Variants in HABP4 observed in about 807,000 individuals in gnomAD.
HABP4 encodes intracellular hyaluronan-binding protein 4.
HABP4 carries 32 observed loss-of-function variants against 44.1 expected under a neutral mutation model. The ratio of observed to expected loss-of-function variants is 0.73; its 90% CI spans 0.55 to 0.97. The LOEUF is 0.97. Ranked by LOEUF, HABP4 falls within the 50% of genes least tolerant of loss-of-function variation. The pLI, the probability that HABP4 is intolerant of heterozygous loss-of-function variation, is 0.00. For synonymous variants in HABP4, 216 were observed against 218.0 expected (o/e 0.99, Z 0.08); for missense variants, 503 against 561.9 (o/e 0.90, Z 1.06).
intron 5 of HABP4, among the ~76,000 whole-genome samples, chr9:96,472,819 G>T (rs1832719979): frequency 6.6e-6 from 1 of 152,094 alleles, no homozygotes; most frequent in Non-Finnish European, 1.5e-5. Flanking sequence ...TTTAGTCCAG[G>T]CCTGGCTTCT....
intron 1 of HABP4, among the ~76,000 whole-genome samples, chr9:96,455,872 TG>T (rs1832366182): frequency 6.6e-6 from 1 of 151,776 alleles, no homozygotes; most frequent in African/African-American, 2.4e-5. Context: ...CTGGCCAACA[TG>T]GTGAAACCCC....
At chr9:96,489,899 G>A in intron 7 of HABP4, 83 bp from the exon 8 acceptor site, 2 of 870,128 alleles carry the variant, frequency 2.3e-6, no homozygotes, top group South Asian at 1.3e-5. Flanking sequence ...CTCAGCGTTG[G>A]TGCCAGGCCC....
chr9:96,486,337 G>A (rs1376791517), intron 6 of HABP4, among the ~76,000 whole-genome samples: 6 of 152,192 alleles, frequency 3.9e-5, no homozygotes, highest in Non-Finnish European at 7.3e-5. Flanking sequence ...TTATTTCCCT[G>A]GCAATCTCTG....
intron 1 of HABP4, among the ~76,000 whole-genome samples, chr9:96,455,953 G>A (rs754707467): frequency 6.6e-6 from 1 of 152,092 alleles, no homozygotes; most frequent in Non-Finnish European, 1.5e-5. Flanking sequence ...TACTTGGAAG[G>A]CCGAGGCAGG....
At chr9:96,484,331 C>A in intron 5 of HABP4, 131 bp from the exon 6 acceptor site, 2 of 556,924 alleles carry the variant, frequency 3.6e-6, no homozygotes, top group South Asian at 2.8e-5. Context: ...CAAAGATTTC[C>A]TTACCTTATT....
At chr9:96,456,303 A>G (rs924999140) in intron 1 of HABP4, among the ~76,000 whole-genome samples, 4 of 152,326 alleles carry the variant, frequency 2.6e-5, no homozygotes, top group Admixed American at 2.6e-4. Context: ...GTGATGTCAT[A>G]AACATCATTT....
chr9:96,458,496 C>CA lies in HABP4; in HGVS notation c.468dup (p.Glu157ArgfsTer9). 6.2e-7 allele frequency: 1 copy of CA among 1,613,330 alleles called. No homozygotes were observed. The highest frequency in any genetic ancestry group is 1.1e-5 in the South Asian group (1 of 91,062). ...TACAGGGAATACCGACCCTATGAGA[C>CA]AGAGAGGCAGGCAGACTTCACAGCT... On this transcript the variant is annotated frameshift_variant, in exon 2 of 8. Coordinates refer to ENST00000375249, the MANE Select transcript of HABP4 (RefSeq NM_014282.4). LOFTEE classifies it high-confidence loss of function.
chr9:96,456,684 C>T lies in HABP4; in HGVS notation c.350-1695C>T, dbSNP rs563520473. Among the ~76,000 whole-genome samples the T allele has an allele frequency of 8.7e-3, 1,236 of 142,400 alleles. 12 individuals are homozygous for T. The highest frequency in any genetic ancestry group is 0.014 in the Non-Finnish European group (945 of 66,502). 93.4% of individuals were successfully genotyped at this position (142,400 alleles called of 152,430 possible). A position where few individuals can be genotyped will look rare whatever the true frequency, so the allele number is the denominator to read the frequency against. Reference sequence around the variant, plus strand: ...CTGAGGCAGGAGAATGGCGTGAACCCGGGAGGCGGTGCTTGCAGTGAGCCG... The same window carrying T: ...CTGAGGCAGGAGAATGGCGTGAACCTGGGAGGCGGTGCTTGCAGTGAGCCG... On this transcript the variant is annotated intron_variant, in intron 1 of 7. Coordinates refer to ENST00000375249, the MANE Select transcript of HABP4 (RefSeq NM_014282.4).
chr9:96,450,597 C>G lies in HABP4; in HGVS notation c.318C>G (p.Pro106=). ...TCCCGGCGCCCGTCGCTCAGCGGCC[C>G]GATAGCCCCGGGGGCGGCCTGCAGG... ...KSLPAPVAQR[P]DSPGGGLQAP... Residue 106 remains proline (P), a synonymous_variant, in exon 1 of 8, where the codon CCC becomes CCG. Transcript: ENST00000375249. This position sits in a 1 kb window ranked among gnomAD's most constrained non-coding sequence, Gnocchi z 4.8. The G allele has an allele frequency of 3.1e-6, 4 of 1,284,084 alleles. No homozygotes were observed. The highest frequency in any genetic ancestry group is 2.5e-5 in the South Asian group (1 of 39,690). 79.5% of individuals were successfully genotyped at this position (1,284,084 alleles called of 1,614,324 possible). A position where few individuals can be genotyped will look rare whatever the true frequency, so the allele number is the denominator to read the frequency against.
chr9:96,465,850 A>T, intron 4 of HABP4, 72 bp downstream of exon 4: 1 of 831,966 alleles, frequency 1.2e-6, no homozygotes, highest in Non-Finnish European at 2.1e-6. Flanking sequence ...CTTTTCTTGA[A>T]AATGATGTCT....
At chr9:96,451,292 C>G (rs1054250364) in intron 1 of HABP4, among the ~76,000 whole-genome samples, 7 of 152,222 alleles carry the variant, frequency 4.6e-5, no homozygotes, top group African/African-American at 1.7e-4. Context: ...CGTTTTTAAC[C>G]TTTCCAGCAA....
intron 4 of HABP4, among the ~76,000 whole-genome samples, chr9:96,468,386 C>T (rs1361688461): frequency 6.6e-6 from 1 of 151,984 alleles, no homozygotes; most frequent in African/African-American, 2.4e-5. Context: ...GCTTCCCCCG[C>T]AGCTGGGACT....
chr9:96,473,401 C>T (rs1254896915), intron 5 of HABP4, among the ~76,000 whole-genome samples: 1 of 152,228 alleles, frequency 6.6e-6, no homozygotes, highest in Non-Finnish European at 1.5e-5. Context: ...GTCCTTCCCT[C>T]TGCTCTGGTG....
At chr9:96,454,631 A>G (rs1320318817) in intron 1 of HABP4, among the ~76,000 whole-genome samples, 2 of 151,966 alleles carry the variant, frequency 1.3e-5, no homozygotes, top group African/African-American at 2.4e-5. Flanking sequence ...TTGTATTTTT[A>G]GTAGAGACAG....
intron 2 of HABP4, among the ~76,000 whole-genome samples, chr9:96,463,992 G>C (rs1027031367): frequency 2.6e-5 from 4 of 152,220 alleles, no homozygotes; most frequent in African/African-American, 9.6e-5. Context: ...TGGTGAAAAA[G>C]AGCTTAGAGC....
chr9:96,483,212 G>A (rs930131277), intron 5 of HABP4: 1 of 91,708 alleles, frequency 1.1e-5, no homozygotes. Flanking sequence ...CAGCTCTGTG[G>A]TTTTGACTTG....
At chr9:96,471,145 A>T in intron 5 of HABP4, 51 bp downstream of exon 5, 15 of 947,562 alleles carry the variant, frequency 1.6e-5, no homozygotes, top group Admixed American at 2.0e-5. Context: ...CTTCTTAATG[A>T]TTTCTTTTTT....
chr9:96,456,409 A>G (rs1257394090), intron 1 of HABP4, among the ~76,000 whole-genome samples: 1 of 152,148 alleles, frequency 6.6e-6, no homozygotes, highest in Non-Finnish European at 1.5e-5. Context: ...GTGTGTATCT[A>G]CATATATTCC....
At chr9:96,485,086 C>T (rs964577411) in intron 6 of HABP4, among the ~76,000 whole-genome samples, 1 of 150,134 alleles carries the variant, frequency 6.7e-6, no homozygotes, top group Non-Finnish European at 1.5e-5. Context: ...GAGTTTCGCT[C>T]TTGTTGCCCA....
Sources: gnomAD v4.1 joint callset for allele counts (sites outside exome capture counted in the v4.1 genomes callset) on GRCh38, gnomAD v4.1.1 for gene constraint, Gnocchi (gnomAD v3.1) non-coding constraint, MANE v1.5 for transcripts, NCBI Gene and HGNC (gene_info 2026-07-23, HGNC 2026-07-21) for gene names.